Variants in COL18A1 observed in about 807,000 individuals in gnomAD.
COL18A1 encodes collagen type XVIII alpha 1 chain.
COL18A1 carries 133 observed loss-of-function variants against 168.0 expected under a neutral mutation model. That is an observed-to-expected ratio of 0.79 (90% CI 0.69 to 0.91). The LOEUF (loss-of-function observed/expected upper bound fraction) is 0.91, where lower values mean the gene tolerates loss of function less well. COL18A1 is among the 40% of genes least tolerant of loss of function. The pLI is 0.00. For synonymous variants in COL18A1, 949 were observed against 809.0 expected, an observed-to-expected ratio of 1.17 and a Z score of -2.94; for missense variants, 2,126 against 1,925.4, an observed-to-expected ratio of 1.10 and a Z score of -1.95.
At chr21:45,412,403 ATTTT>A (rs770343136) in intron 2 of COL18A1, among the ~76,000 whole-genome samples, 1 of 140,344 alleles carries the variant, frequency 7.1e-6, no homozygotes, top group African/African-American at 2.6e-5. Flanking sequence ...CGCCTGGCTA[ATTTT>A]TTTTTTTTTT....
At position 45,437,348 on chromosome 21, in the gene COL18A1, ACTCTCCTGCG is replaced by A. The variant is rs1311833522; in HGVS notation, c.107-30892_107-30883del. Among the ~76,000 whole-genome samples, 13 of 86,268 alleles carry A rather than the reference ACTCTCCTGCG, an allele frequency of 1.5e-4. 2 individuals are homozygous for A. The highest frequency in any genetic ancestry group is 8.5e-4 in the African/African-American group (13 of 15,346). The allele number at this position is 86,268 out of a possible 152,430, so 56.6% of individuals were successfully genotyped here. On this transcript the variant is annotated intron_variant, in intron 2 of 41. Transcript: ENST00000651438. ...CACACACACACTCAGACACACAGGC[ACTCTCCTGCG>A]CACACACACACACTCAGACACACAG...
intron 20 of COL18A1, 144 bp downstream of exon 20, chr21:45,490,490 C>CTA: frequency 1.5e-6 from 1 of 660,234 alleles, no homozygotes; most frequent in Non-Finnish European, 2.6e-6. Flanking sequence ...CTCCGTGTGC[C>CTA]CTCCCGGGTC....
chr21:45,429,579 T>G (rs921107336), intron 2 of COL18A1, among the ~76,000 whole-genome samples: 4 of 152,154 alleles, frequency 2.6e-5, no homozygotes, highest in Non-Finnish European at 5.9e-5. Flanking sequence ...TCCAGTCTCA[T>G]GATGGGGCTG....
chr21:45,437,831 G>C (rs111167517), intron 2 of COL18A1, among the ~76,000 whole-genome samples: 8 of 22,554 alleles, frequency 3.5e-4, no homozygotes, highest in East Asian at 1.2e-3. Context: ...CTCACACTCA[G>C]ACAAGCACTC....
rs1199007629 is a variant in COL18A1 at position 45,501,958 on chromosome 21, C to T, written c.2684-2053C>T. 1.2e-4 allele frequency among the ~76,000 whole-genome samples: 10 copies of T among 80,222 alleles called. No homozygotes were observed. In the East Asian group the frequency reaches 3.0e-3, roughly 24 times the overall value. 52.6% of individuals were successfully genotyped at this position (80,222 alleles called of 152,430 possible). A position where few individuals can be genotyped will look rare whatever the true frequency, so the allele number is the denominator to read the frequency against. On this transcript the variant is annotated intron_variant, in intron 32 of 41. Coordinates refer to ENST00000651438, the MANE Select transcript of COL18A1 (RefSeq NM_001379500.1). ...CTGCAGAAGGACCCTCAGGGGCCTC[C>T]GCAGCCGGTCACCTCCCTCTGCAGA...
intron 32 of COL18A1, among the ~76,000 whole-genome samples, chr21:45,501,715 C>T (rs890317924): frequency 4.4e-5 from 6 of 136,810 alleles, no homozygotes; most frequent in Non-Finnish European, 6.5e-5. Flanking sequence ...CGGTCACCTC[C>T]CTCTGCAGAA....
chr21:45,482,124 A>G, intron 14 of COL18A1, 99 bp downstream of exon 14: 1 of 905,592 alleles, frequency 1.1e-6, no homozygotes, highest in African/African-American at 1.6e-5. Context: ...GGGAAATGCC[A>G]GGAATAGCCC....
chr21:45,508,328 T>C (rs2037359646), intron 38 of COL18A1, among the ~76,000 whole-genome samples: 1 of 148,672 alleles, frequency 6.7e-6, no homozygotes, highest in Non-Finnish European at 1.5e-5. Context: ...GGTGAGTGGA[T>C]AGATGGGCAG....
intron 22 of COL18A1, among the ~76,000 whole-genome samples, 177 bp from the exon 23 acceptor site, chr21:45,492,358 T>A (rs532372663): frequency 1.3e-5 from 2 of 152,278 alleles, no homozygotes; most frequent in South Asian, 4.1e-4. Context: ...ATCCAGCTGC[T>A]CTGAGCTGAG....
At chr21:45,503,806 AAAAT>A in intron 32 of COL18A1, 1 of 330,802 alleles carries the variant, frequency 3.0e-6, no homozygotes. Flanking sequence ...AAAAAATTTA[AAAAT>A]AAAATAAAAA....
intron 24 of COL18A1, 40 bp downstream of exon 24, chr21:45,492,753 G>C (rs2036397569): frequency 5.2e-6 from 4 of 771,120 alleles, no homozygotes; most frequent in Admixed American, 2.9e-5. Flanking sequence ...TGCCCGGCTG[G>C]GGAGGGGTCT....
intron 2 of COL18A1, among the ~76,000 whole-genome samples, chr21:45,437,245 TACACACACAC>T (rs372338269): frequency 0.013 from 690 of 51,350 alleles, 29 homozygotes; most frequent in African/African-American, 0.069. Context: ...CACTCTCCTG[TACACACACAC>T]ACTCACACAC....
rs969179610 is a variant in COL18A1 at position 45,491,420 on chromosome 21, C to T, written c.2157+106C>T. 3 of 675,738 alleles carry T rather than the reference C, an allele frequency of 4.4e-6. No homozygotes were observed. In the Admixed American group the frequency reaches 6.4e-5, roughly 14 times the overall value. 41.9% of individuals were successfully genotyped at this position (675,738 alleles called of 1,614,324 possible). On this transcript the variant is annotated intron_variant, in intron 22 of 41. Transcript: ENST00000651438. The stretch of plus-strand genomic sequence containing the variant: ...CACCCCCACATCCCCCAGGTCAGGA[C>T]AGGCCCTGACTGCCAGTCTACACTC...
chr21:45,497,467 G>A, intron 31 of COL18A1, 132 bp from the exon 32 acceptor site: 1 of 1,267,748 alleles, frequency 7.9e-7, no homozygotes, highest in Non-Finnish European at 1.1e-6. Flanking sequence ...CTCCTACCCT[G>A]ACTGTCCCCA....
In COL18A1 at chr21:45,491,257, G is replaced by T. The variant is rs373318899; in HGVS notation, c.2100G>T (p.Pro700=). ...CAGGGAAGGACGGAGTCGGGCAGCC[G>T]GGCCTCCCTGGCCCCCCCGGACCCC... ...GDPGKDGVGQ[P]GLPGPPGPPG... is the part of the protein sequence containing the mutation. Residue 700 remains proline (P), a synonymous_variant, in exon 22 of 42, where the codon CCG becomes CCT. Transcript: ENST00000651438. The T allele has an allele frequency of 1.2e-6, 2 of 1,612,458 alleles. No individual in the cohort carries two copies. Among genetic ancestry groups the T allele is most frequent in the South Asian group, 2.2e-5 (2 of 91,074 alleles).
chr21:45,449,741 C>T (rs8134270), intron 2 of COL18A1, among the ~76,000 whole-genome samples: 7,405 of 152,278 alleles, frequency 0.049, 208 homozygotes, highest in African/African-American at 0.074. Context: ...ACCCGGCCCT[C>T]TCACTGTGCG....
chr21:45,477,517 A>T, intron 7 of COL18A1, 30 bp downstream of exon 7: 1 of 1,577,932 alleles, frequency 6.3e-7, no homozygotes, highest in Non-Finnish European at 8.6e-7. Context: ...CTCCTGAACC[A>T]TTCTGAACCA....
chr21:45,486,969 G>T lies in COL18A1; in HGVS notation c.1810G>T (p.Gly604Ter). The change falls in exon 16 of 42, where the codon GGA becomes TGA. Residue 604 changes from glycine to a stop codon, truncating the protein, a stop_gained. Transcript: ENST00000651438. LOFTEE classifies it high-confidence loss of function. ...CCCCCCTGGGCCCCCTGGGCCCCCAGGACCAGGACTCCCCGCTGGATTTGT... is the reference window on the plus strand; with the variant it reads ...CCCCCCTGGGCCCCCTGGGCCCCCATGACCAGGACTCCCCGCTGGATTTGT... ...PGPPGPPGPPGPGLPAGFDDM... is the reference protein window; with the variant it reads ...PGPPGPPGPP 6.6e-7 allele frequency: 1 copy of T among 1,512,764 alleles called. No individual in the cohort carries two copies. The allele number at this position is 1,512,764 out of a possible 1,614,324, so 93.7% of individuals were successfully genotyped here. A position where few individuals can be genotyped will look rare whatever the true frequency, so the allele number is the denominator to read the frequency against.
intron 2 of COL18A1, among the ~76,000 whole-genome samples, chr21:45,413,381 G>A (rs2033354706): frequency 6.6e-6 from 1 of 152,250 alleles, no homozygotes; most frequent in East Asian, 1.9e-4. Context: ...CCCTGTCGCG[G>A]GGACCCAGGG....
Sources: allele counts gnomAD v4.1 joint callset (sites outside exome capture counted in the v4.1 genomes callset), GRCh38; gene constraint gnomAD v4.1.1; transcripts MANE v1.5; gene names NCBI Gene and HGNC (gene_info 2026-07-23, HGNC 2026-07-21).